Variants in GTF2H2C observed in about 807,000 individuals in gnomAD.
GTF2H2C encodes GTF2H2 family member C.
GTF2H2C carries 5 observed loss-of-function variants against 24.8 expected under a neutral mutation model. The ratio of observed to expected loss-of-function variants is 0.20; its 90% CI spans 0.11 to 0.42. The LOEUF (loss-of-function observed/expected upper bound fraction) is 0.42. GTF2H2C is among the 20% of genes least tolerant of loss of function. GTF2H2C has a pLI of 1.00. For missense variants in GTF2H2C, 45 were observed against 169.8 expected (o/e 0.27, Z 4.08); for synonymous variants, 14 against 52.6 (o/e 0.27, Z 3.18).
intron 11 of GTF2H2C, 93 bp from the exon 12 acceptor site, chr5:69,579,664 A>AT: frequency 5.1e-6 from 6 of 1,179,940 alleles, no homozygotes; most frequent in Non-Finnish European, 7.1e-6. Context: ...AAAAATGTAC[A>AT]TTTTCAGATG....
At chr5:69,591,414 A>T (rs2112272349) in intron 16 of GTF2H2C, among the ~76,000 whole-genome samples, 1 of 137,998 alleles carries the variant, frequency 7.2e-6, no homozygotes, top group South Asian at 2.5e-4. Context: ...TGAGTTTTTA[A>T]GAATAGGTCA....
chr5:69,577,467 C>G lies in GTF2H2C; in HGVS notation c.471-1245C>G, dbSNP rs558948482. ...TTGAGACGGAGTCTCGCTCTGTCGCCCAGGCTGGAGTGCAGTGGCGCAATC... is the reference window on the plus strand; with the variant it reads ...TTGAGACGGAGTCTCGCTCTGTCGCGCAGGCTGGAGTGCAGTGGCGCAATC... On this transcript the variant is annotated intron_variant, in intron 9 of 16. Transcript: ENST00000380729. Among the ~76,000 whole-genome samples, 617 of 137,730 alleles carry G rather than the reference C, an allele frequency of 4.5e-3. 4 individuals are homozygous for G. Among genetic ancestry groups the G allele is most frequent in the Non-Finnish European group, 7.5e-3 (489 of 65,510 alleles). 90.4% of individuals were successfully genotyped at this position (137,730 alleles called of 152,430 possible).
intron 2 of GTF2H2C, among the ~76,000 whole-genome samples, chr5:69,563,202 G>A (rs1233769827): frequency 3.8e-5 from 5 of 132,208 alleles, no homozygotes; most frequent in Middle Eastern, 3.9e-3. Context: ...CATCATACCC[G>A]GCCTGGTTTT....
At chr5:69,574,262 A>T in intron 9 of GTF2H2C, among the ~76,000 whole-genome samples, 2 of 76,158 alleles carry the variant, frequency 2.6e-5, no homozygotes, top group Middle Eastern at 6.0e-3. Context: ...TTTTCAGATA[A>T]CTTTTTTTTT....
rs1445956487 is a variant in GTF2H2C at position 69,594,492 on chromosome 5, G to A, written c.*2294G>A. On this transcript the variant is annotated 3_prime_UTR_variant, in exon 17 of 17. Coordinates refer to ENST00000380729, the MANE Select transcript of GTF2H2C (RefSeq NM_001376000.2). Reference sequence around the variant, plus strand: ...ACACACACACACTGATCAGAGTAACGGGAGTTTCTCTCAGGAGTCATACTC... The same window carrying A: ...ACACACACACACTGATCAGAGTAACAGGAGTTTCTCTCAGGAGTCATACTC... The A allele has an allele frequency of 0.014, 2,035 of 140,430 alleles. No individual in the cohort carries two copies. The highest frequency in any genetic ancestry group is 0.034 in the Middle Eastern group (9 of 268). The allele number at this position is 140,430 out of a possible 1,614,324, so 8.7% of individuals were successfully genotyped here.
At chr5:69,563,879 A>G (rs1770569868) in intron 2 of GTF2H2C, among the ~76,000 whole-genome samples, 1 of 151,554 alleles carries the variant, frequency 6.6e-6, no homozygotes, top group Non-Finnish European at 1.5e-5. Flanking sequence ...GGTTCAAGCA[A>G]TTCTCCTGCC....
chr5:69,566,062 T>C, intron 3 of GTF2H2C, 69 bp from the exon 4 acceptor site: 4 of 1,255,758 alleles, frequency 3.2e-6, no homozygotes, highest in Non-Finnish European at 4.6e-6. Flanking sequence ...TGTGGACATA[T>C]ATTTTCATTT....
chr5:69,573,224 C>CA (rs1771184158), intron 9 of GTF2H2C, among the ~76,000 whole-genome samples: 1 of 139,372 alleles, frequency 7.2e-6, no homozygotes, highest in Admixed American at 7.4e-5. Flanking sequence ...CTTGCTCTGT[C>CA]ACCCAGGCTG....
intron 1 of GTF2H2C, among the ~76,000 whole-genome samples, chr5:69,561,679 TCTCA>T (rs939674881): frequency 5.9e-4 from 90 of 151,626 alleles, no homozygotes; most frequent in African/African-American, 2.1e-3. Context: ...TGAGATAGGG[TCTCA>T]CTCTGTCACC....
At position 69,566,594 on chromosome 5, in the gene GTF2H2C, T is replaced by C; in HGVS notation, c.140T>C (p.Phe47Ser). The C allele has an allele frequency of 7.3e-7, 1 of 1,366,768 alleles. No homozygotes were observed. Among genetic ancestry groups the C allele is most frequent in the Non-Finnish European group, 9.9e-7 (1 of 1,005,384 alleles). 84.7% of individuals were successfully genotyped at this position (1,366,768 alleles called of 1,614,324 possible). Residue 47 changes from phenylalanine to serine, a missense_variant, in exon 5 of 17, where the codon TTT (phenylalanine) becomes TCT (serine). Phe to Ser is a radical substitution (Grantham distance 155). Transcript: ENST00000380729. ...TGTTTGTATAATTTTAACAGAGTAT[T>C]TGAGCACCATGGACAAGTTCGACTT... ...ILFKAKRKRV[F>S]EHHGQVRLGM...
chr5:69,561,052 G>A (rs1166985618), intron 1 of GTF2H2C, among the ~76,000 whole-genome samples: 3 of 152,026 alleles, frequency 2.0e-5, no homozygotes, highest in African/African-American at 7.2e-5. Context: ...CACCCACCTG[G>A]CCTCGGTGAT....
At chr5:69,562,257 G>T (rs1770413690) in intron 1 of GTF2H2C, among the ~76,000 whole-genome samples, 1 of 152,176 alleles carries the variant, frequency 6.6e-6, no homozygotes, top group Non-Finnish European at 1.5e-5. Context: ...GGCGGAGGTT[G>T]CAGTGAGCCG....
At chr5:69,590,090 G>T (rs1771923053) in intron 15 of GTF2H2C, among the ~76,000 whole-genome samples, 1 of 150,672 alleles carries the variant, frequency 6.6e-6, no homozygotes, top group South Asian at 2.1e-4. Flanking sequence ...TCGCCACGTT[G>T]GCCAGGCTGG....
chr5:69,590,180 T>G, intron 15 of GTF2H2C, 148 bp from the exon 16 acceptor site: 2 of 177,688 alleles, frequency 1.1e-5, no homozygotes, highest in Non-Finnish European at 2.3e-5. Flanking sequence ...CCACTGTGCC[T>G]GGCCTATTGG....
At chr5:69,579,721 A>C (rs1431974507) in intron 11 of GTF2H2C, 36 bp from the exon 12 acceptor site, 1 of 1,561,300 alleles carries the variant, frequency 6.4e-7, no homozygotes, top group African/African-American at 1.4e-5. Context: ...CGTTATGTCT[A>C]TGAAGGTGTT....
At position 69,594,213 on chromosome 5, in the gene GTF2H2C, C is replaced by T. The variant is rs1772096690; in HGVS notation, c.*2015C>T. On this transcript the variant is annotated 3_prime_UTR_variant, in exon 17 of 17. Transcript: ENST00000380729. ...CTGGGACTACAGGCGCCTGCCACCACGCCTGGCTAATTTTTGCATTTTTGG... is the reference window on the plus strand; with the variant it reads ...CTGGGACTACAGGCGCCTGCCACCATGCCTGGCTAATTTTTGCATTTTTGG... The T allele has an allele frequency of 1.2e-5, 1 of 86,132 alleles. No individual in the cohort carries two copies. Among genetic ancestry groups the T allele is most frequent in the South Asian group, 4.8e-4 (1 of 2,062 alleles). 5.3% of individuals were successfully genotyped at this position (86,132 alleles called of 1,614,324 possible).
rs1174187959 is a variant in GTF2H2C at position 69,593,938 on chromosome 5, GAA to G, written c.*1765_*1766del. ...GCGACAGAGCTAGACTCTGTCTCAA[GAA>G]AAAAAAAAAAAAAAAAAAAAAAAAG... On this transcript the variant is annotated 3_prime_UTR_variant, in exon 17 of 17. Transcript: ENST00000380729. 1.5e-3 allele frequency among the ~76,000 whole-genome samples: 61 copies of G among 41,760 alleles called. No individual in the cohort carries two copies. Among genetic ancestry groups the G allele is most frequent in the African/African-American group, 5.8e-3 (55 of 9,468 alleles). 27.4% of individuals were successfully genotyped at this position (41,760 alleles called of 152,430 possible).
At chr5:69,561,058 G>C (rs2244243) in intron 1 of GTF2H2C, among the ~76,000 whole-genome samples, 232 of 151,074 alleles carry the variant, frequency 1.5e-3, no homozygotes, top group African/African-American at 5.0e-3. Flanking sequence ...CCTGGCCTCG[G>C]TGATATTTTT....
At chr5:69,563,452 G>C (rs961468438) in intron 2 of GTF2H2C, among the ~76,000 whole-genome samples, 7 of 151,968 alleles carry the variant, frequency 4.6e-5, no homozygotes, top group African/African-American at 1.7e-4. Flanking sequence ...GACCTCAGGT[G>C]ATCCGCACCT....
Sources: allele counts gnomAD v4.1 joint callset (sites outside exome capture counted in the v4.1 genomes callset), GRCh38; gene constraint gnomAD v4.1.1; transcripts MANE v1.5; gene names NCBI Gene and HGNC (gene_info 2026-07-23, HGNC 2026-07-21).